The following BCAR3 variants were observed in gnomAD, a reference collection of about 807,000 sequenced individuals.
BCAR3 encodes the protein breast cancer anti-estrogen resistance protein 3.
In BCAR3, 37 loss-of-function variants were observed where a neutral mutation model predicts 80.1. The observed-to-expected ratio is 0.46, with a 90% CI of 0.36 to 0.61. BCAR3 has a LOEUF of 0.61. BCAR3 is among the 20% of genes least tolerant of loss of function. The pLI is 0.00. For missense variants in BCAR3, 978 were observed against 1,068.2 expected (o/e 0.92, Z 1.18); for synonymous variants, 389 against 418.9 (o/e 0.93, Z 0.87).
intron 2 of BCAR3, among the ~76,000 whole-genome samples, chr1:93,811,355 G>C (rs1301621031): frequency 6.6e-6 from 1 of 152,198 alleles, no homozygotes. Flanking sequence ...AAGTCTGACT[G>C]ATATGGAATG....
chr1:93,801,342 G>A (rs1011742171), intron 2 of BCAR3, among the ~76,000 whole-genome samples: 8 of 152,154 alleles, frequency 5.3e-5, no homozygotes, highest in African/African-American at 1.9e-4. Flanking sequence ...AGTTTCACTA[G>A]TTCCAAAGTG....
At chr1:93,736,771 A>G (rs1028854025) in intron 2 of BCAR3, among the ~76,000 whole-genome samples, 4 of 152,204 alleles carry the variant, frequency 2.6e-5, no homozygotes, top group African/African-American at 9.6e-5. Context: ...GAGGGAAAAA[A>G]TTCCCAGGAA....
At chr1:93,675,114 CTTA>C (rs2101947881) in intron 1 of BCAR3, among the ~76,000 whole-genome samples, 173 bp from the exon 2 acceptor site, 1 of 152,276 alleles carries the variant, frequency 6.6e-6, no homozygotes, top group East Asian at 1.9e-4. Context: ...GGGAAGTTTA[CTTA>C]TCTTCCTCCT....
intron 3 of BCAR3, chr1:93,599,180 A>G (rs572929668): frequency 6.6e-6 from 1 of 152,230 alleles, no homozygotes; most frequent in Non-Finnish European, 1.5e-5. Context: ...AGCGAAGAAG[A>G]TACTCTATCC....
intron 11 of BCAR3, among the ~76,000 whole-genome samples, chr1:93,564,718 C>CT (rs1672869057): frequency 6.6e-6 from 1 of 152,168 alleles, no homozygotes; most frequent in Admixed American, 6.5e-5. Context: ...TCGAGATTCA[C>CT]TTTTTTGCAT....
rs1673222162 is a variant in BCAR3 at position 93,571,651 on chromosome 1, A to C, written c.1974+19T>G. The C allele has an allele frequency of 1.2e-6, 2 of 1,613,336 alleles. No individual in the cohort carries two copies. Among genetic ancestry groups the C allele is most frequent in the Non-Finnish European group, 1.7e-6 (2 of 1,179,372 alleles). ...TCTTTACAGAACATTAAGTACACATAAAGTAATTGGAAATTTACCTGTGGC... is the reference window on the plus strand; with the variant it reads ...TCTTTACAGAACATTAAGTACACATCAAGTAATTGGAAATTTACCTGTGGC... On this transcript the variant is annotated intron_variant, in intron 9 of 11. Coordinates refer to ENST00000260502, the MANE Select transcript of BCAR3 (RefSeq NM_003567.4).
At chr1:93,632,815 C>T (rs1034963719) in intron 3 of BCAR3, among the ~76,000 whole-genome samples, 3 of 152,112 alleles carry the variant, frequency 2.0e-5, no homozygotes, top group African/African-American at 4.8e-5. Flanking sequence ...GTCAGGAGTT[C>T]AAGACCAGCC....
At chr1:93,585,303 CA>C (rs769396919) in intron 5 of BCAR3, 113 of 691,134 alleles carry the variant, frequency 1.6e-4, no homozygotes, top group Non-Finnish European at 1.9e-4. Flanking sequence ...GGCAGCAGGC[CA>C]TGAGCCATCT....
At chr1:93,676,262 C>A (rs2101949491) in intron 1 of BCAR3, among the ~76,000 whole-genome samples, 1 of 152,308 alleles carries the variant, frequency 6.6e-6, no homozygotes, top group South Asian at 2.1e-4. Flanking sequence ...AAGAATGCAA[C>A]CCTCCACAAG....
chr1:93,721,965 G>A (rs1650421026), intron 2 of BCAR3, among the ~76,000 whole-genome samples: 1 of 152,256 alleles, frequency 6.6e-6, no homozygotes, highest in African/African-American at 2.4e-5. Flanking sequence ...CAAGTGCTCA[G>A]TAATGACAAC....
intron 2 of BCAR3, among the ~76,000 whole-genome samples, chr1:93,786,827 G>A (rs896897595): frequency 6.6e-6 from 1 of 152,192 alleles, no homozygotes; most frequent in African/African-American, 2.4e-5. Context: ...GGAAGGAGTG[G>A]TAACCCTTCC....
rs1570938680 is a variant in BCAR3, at chr1:93,588,889, T to A, written c.929+88A>T. 2.2e-6 allele frequency: 3 copies of A among 1,360,820 alleles called. No homozygotes were observed. In the East Asian group the frequency reaches 7.1e-5, roughly 32 times the overall value. The allele number at this position is 1,360,820 out of a possible 1,614,324, so 84.3% of individuals were successfully genotyped here. On this transcript the variant is annotated intron_variant, in intron 5 of 11. Transcript: ENST00000260502. ...CATTCCTATTAACATCTTTTATTTC[T>A]TTGTTCCATGATGAATTCTTCACCT...
chr1:93,813,387 G>C (rs1366907083), intron 2 of BCAR3, among the ~76,000 whole-genome samples: 2 of 152,092 alleles, frequency 1.3e-5, no homozygotes, highest in Non-Finnish European at 2.9e-5. Context: ...CCCTCAATGA[G>C]AAAGCTTTCA....
intron 3 of BCAR3, among the ~76,000 whole-genome samples, chr1:93,686,960 G>T (rs1002890811): frequency 6.6e-6 from 1 of 152,204 alleles, no homozygotes; most frequent in Non-Finnish European, 1.5e-5. Context: ...CATAGGTCAG[G>T]TTCCCCAGTT....
chr1:93,836,408 C>A (rs562001928), intron 2 of BCAR3, among the ~76,000 whole-genome samples: 4 of 151,378 alleles, frequency 2.6e-5, no homozygotes, highest in African/African-American at 9.8e-5. Flanking sequence ...GACCTCGTGT[C>A]TTCCATTTAA....
chr1:93,568,068 C>T, intron 9 of BCAR3: 1 of 432,226 alleles, frequency 2.3e-6, no homozygotes, highest in Admixed American at 3.6e-5. Context: ...TGCCTGTAAT[C>T]CCAGCTACTC....
Position 93,823,372 on chromosome 1 carries a change from G to A in BCAR3, c.-63+22195C>T, listed in dbSNP as rs550156219. Reference sequence around the variant, plus strand: ...AGCATGTTATAAAATTCCTCCAGGAGTGTAGGAAGGTGAATGAGGAGAAGC... The same window carrying A: ...AGCATGTTATAAAATTCCTCCAGGAATGTAGGAAGGTGAATGAGGAGAAGC... On this transcript the variant is annotated intron_variant, in intron 2 of 13. Transcript: ENST00000370244. Among the ~76,000 whole-genome samples the A allele has an allele frequency of 9.0e-5, 12 of 133,888 alleles. 5 individuals are homozygous for A. Among genetic ancestry groups the A allele is most frequent in the Non-Finnish European group, 2.0e-4 (12 of 59,316 alleles). The allele number at this position is 133,888 out of a possible 152,430, so 87.8% of individuals were successfully genotyped here.
Position 93,825,410 on chromosome 1 carries a change from A to T in BCAR3, c.-63+20157T>A, listed in dbSNP as rs1465368739. On this transcript the variant is annotated intron_variant, in intron 2 of 13. Transcript: ENST00000370244. ...CCTTGGCATATTCTCCCTCTTACCT[A>T]CAGGGAGGTTTTGCAGGCTTGAGCT... 1.3e-4 allele frequency among the ~76,000 whole-genome samples: 18 copies of T among 133,466 alleles called. 6 individuals carry two copies. Among genetic ancestry groups the T allele is most frequent in the Non-Finnish European group, 2.9e-4 (17 of 59,196 alleles). 87.6% of individuals were successfully genotyped at this position (133,466 alleles called of 152,430 possible).
At chr1:93,575,775 C>A (rs1412439013) in intron 8 of BCAR3, among the ~76,000 whole-genome samples, 1 of 152,222 alleles carries the variant, frequency 6.6e-6, no homozygotes, top group Non-Finnish European at 1.5e-5. Flanking sequence ...TCTCCATCCA[C>A]TCCTCCAGGA....
Sources: gnomAD v4.1 joint callset for allele counts (sites outside exome capture counted in the v4.1 genomes callset) on GRCh38, gnomAD v4.1.1 for gene constraint, MANE v1.5 for transcripts, NCBI Gene and HGNC (gene_info 2026-07-23, HGNC 2026-07-21) for gene names.